Variants in PTPRZ1 observed in about 807,000 individuals in gnomAD.
PTPRZ1 encodes the protein protein tyrosine phosphatase receptor type Z1, also known as receptor-type tyrosine-protein phosphatase zeta.
PTPRZ1 carries 82 observed loss-of-function variants against 214.1 expected under a neutral mutation model. That is an observed-to-expected ratio of 0.38 (90% CI 0.32 to 0.46). PTPRZ1 has a LOEUF of 0.46. Ranked by LOEUF, PTPRZ1 falls within the 20% of genes least tolerant of loss-of-function variation. The probability of loss-of-function intolerance (pLI) is 1.00; values close to 1 mark genes in which losing one functional copy is unlikely to be tolerated. For synonymous variants in PTPRZ1, 945 were observed against 987.9 expected (o/e 0.96, Z 0.81); for missense variants, 2,603 against 2,748.7 (o/e 0.95, Z 1.19).
At chr7:121,893,983 G>A (rs959219297) in intron 1 of PTPRZ1, among the ~76,000 whole-genome samples, 4 of 152,130 alleles carry the variant, frequency 2.6e-5, no homozygotes, top group South Asian at 2.1e-4. Context: ...CAACCCGATC[G>A]TGTGCACAGG....
chr7:122,044,218 T>C (rs1452408659), intron 22 of PTPRZ1, among the ~76,000 whole-genome samples: 1 of 152,080 alleles, frequency 6.6e-6, no homozygotes, highest in African/African-American at 2.4e-5. Context: ...AATGAAGAGG[T>C]AAGGAATGAG....
chr7:121,972,161 A>ATT (rs5887063), intron 3 of PTPRZ1, among the ~76,000 whole-genome samples: 25 of 148,814 alleles, frequency 1.7e-4, no homozygotes, highest in Middle Eastern at 3.4e-3. Flanking sequence ...GAGAAGACTT[A>ATT]TTTTTTTTTT....
intron 13 of PTPRZ1, among the ~76,000 whole-genome samples, chr7:122,024,765 A>G (rs550312908): frequency 6.6e-6 from 1 of 152,288 alleles, no homozygotes; most frequent in Admixed American, 6.5e-5. Flanking sequence ...TACCCACACT[A>G]CTGTGAACAC....
Position 122,053,904 on chromosome 7 carries a change from T to G in PTPRZ1, c.6253-6T>G, listed in dbSNP as rs773935584. 2 of 1,612,462 alleles carry G rather than the reference T, an allele frequency of 1.2e-6. No homozygotes were observed. The highest frequency in any genetic ancestry group is 1.7e-6 in the Non-Finnish European group (2 of 1,178,966). On this transcript the variant is annotated splice_polypyrimidine_tract_variant and splice_region_variant and intron_variant, in intron 25 of 29. Coordinates refer to ENST00000393386, the MANE Select transcript of PTPRZ1 (RefSeq NM_002851.3). ...TGCTGTTTTTGTCTTCTCTTTGGTT[T>G]TGTAGGGCTATTACCAGAGCAATGA...
intron 11 of PTPRZ1, among the ~76,000 whole-genome samples, chr7:122,008,867 G>A (rs923156599): frequency 3.3e-5 from 5 of 151,990 alleles, no homozygotes; most frequent in Admixed American, 2.0e-4. Flanking sequence ...GAGATAATTG[G>A]CACCAACCAA....
intron 12 of PTPRZ1, among the ~76,000 whole-genome samples, chr7:122,018,856 C>A (rs1798926316): frequency 6.6e-6 from 1 of 152,044 alleles, no homozygotes; most frequent in Non-Finnish European, 1.5e-5. Flanking sequence ...CTTTTCAAGG[C>A]AATATTATGC....
chr7:122,053,987 A>T lies in PTPRZ1; in HGVS notation c.6330A>T (p.Ile2110=), dbSNP rs766049352. 6 of 1,613,240 alleles carry T rather than the reference A, an allele frequency of 3.7e-6. No individual in the cohort carries two copies. The African/African-American group carries it at 8.0e-5, about 22-fold the overall frequency. ...LHTIKDFWRM[I]WDHNAQLVVM... ...CCATCAAGGATTTCTGGAGGATGAT[A>T]TGGGACCATAATGCCCAACTGGTGG... The change falls in exon 26 of 30, where the codon ATA becomes ATT. Residue 2110 remains isoleucine (I), a synonymous_variant. Coordinates refer to ENST00000393386, the MANE Select transcript of PTPRZ1 (RefSeq NM_002851.3).
At chr7:122,005,841 A>G (rs1798469520) in intron 11 of PTPRZ1, among the ~76,000 whole-genome samples, 1 of 151,954 alleles carries the variant, frequency 6.6e-6, no homozygotes, top group South Asian at 2.1e-4. Context: ...CACATCACAG[A>G]CTTTTTAGAA....
intron 27 of PTPRZ1, among the ~76,000 whole-genome samples, chr7:122,055,567 A>G (rs1395252346): frequency 6.6e-6 from 1 of 151,898 alleles, no homozygotes; most frequent in Non-Finnish European, 1.5e-5. Context: ...TGATAAATGA[A>G]GTGCTTTGAA....
intron 1 of PTPRZ1, among the ~76,000 whole-genome samples, chr7:121,892,679 CATATATATATAT>C (rs58030102): frequency 0.03 from 2,958 of 98,104 alleles, 88 homozygotes; most frequent in African/African-American, 0.061. Flanking sequence ...TCAAGCATCT[CATATATATATAT>C]ATATATATAT....
At chr7:121,904,903 T>C (rs1301827911) in intron 1 of PTPRZ1, among the ~76,000 whole-genome samples, 1 of 152,216 alleles carries the variant, frequency 6.6e-6, no homozygotes, top group African/African-American at 2.4e-5. Flanking sequence ...ATCTACAATC[T>C]TTTAGCTTTT....
At chr7:122,027,288 TG>T (rs1223289246) in intron 13 of PTPRZ1, among the ~76,000 whole-genome samples, 1 of 152,018 alleles carries the variant, frequency 6.6e-6, no homozygotes, top group Non-Finnish European at 1.5e-5. Flanking sequence ...TGGATCCTGG[TG>T]GGTGAGGGAG....
Position 121,919,820 on chromosome 7 carries a change from AT to A in PTPRZ1, c.59-8329del, listed in dbSNP as rs542387333. On this transcript the variant is annotated intron_variant, in intron 1 of 29. Coordinates refer to ENST00000393386, the MANE Select transcript of PTPRZ1 (RefSeq NM_002851.3). ...TTTCTATTGATCTGTCTATCAATTC[AT>A]TTTTTTAGTAATTGATTAACCAAGC... Among the ~76,000 whole-genome samples, 345 of 151,048 alleles carry A rather than the reference AT, an allele frequency of 2.3e-3. 1 individual carries two copies. Among genetic ancestry groups the A allele is most frequent in the African/African-American group, 7.9e-3 (323 of 41,094 alleles).
Position 122,058,884 on chromosome 7 carries a change from A to T in PTPRZ1, c.6613A>T (p.Ile2205Leu), listed in dbSNP as rs577909822. 5 of 1,592,458 alleles carry T rather than the reference A, an allele frequency of 3.1e-6. No homozygotes were observed. The South Asian group carries it at 3.3e-5, about 11-fold the overall frequency. Residue 2205 changes from isoleucine to leucine, a missense_variant, in exon 28 of 30, where the codon ATA becomes TTA. Physicochemically the swap from Ile to Leu is conservative, Grantham distance 5. This residue lies in a region of PTPRZ1 where 165 missense variants were observed against 151.4 expected (regional missense o/e 1.09). Transcript: ENST00000393386. Reference sequence around the variant, plus strand: ...CCCCATTAGTAAAACTTTTGAACTTATAAGTGTTATAAAAGAAGAAGCTGC... The same window carrying T: ...CCCCATTAGTAAAACTTTTGAACTTTTAAGTGTTATAAAAGAAGAAGCTGC... ...DSPISKTFELISVIKEEAANR... is the reference protein window; with the variant it reads ...DSPISKTFELLSVIKEEAANR...
intron 23 of PTPRZ1, among the ~76,000 whole-genome samples, chr7:122,045,995 A>G (rs1007206490): frequency 6.6e-6 from 1 of 152,200 alleles, no homozygotes; most frequent in Non-Finnish European, 1.5e-5. Flanking sequence ...ATATCTGTGT[A>G]TTCAGCAAGT....
rs770023252 is a variant in PTPRZ1, at chr7:122,011,493, G to A, written c.2447G>A (p.Gly816Asp). The change falls in exon 12 of 30, where the codon GGT (glycine) becomes GAT (aspartate). Residue 816 changes from glycine (G) to aspartate (D), a missense_variant. This residue lies in a region of PTPRZ1 where 1,913 missense variants were observed against 1,914.3 expected (regional missense o/e 1.00). Coordinates refer to ENST00000393386, the MANE Select transcript of PTPRZ1 (RefSeq NM_002851.3). Reference protein sequence around the residue: ...SFESILSSYDGAPLLPFSSAS... With the variant: ...SFESILSSYDDAPLLPFSSAS... The stretch of plus-strand genomic sequence containing the variant: ...GAATCCATCCTGTCTTCCTATGATG[G>A]TGCACCTTTGCTTCCATTTTCCTCT... 2 of 1,613,904 alleles carry A rather than the reference G, an allele frequency of 1.2e-6. No individual in the cohort carries two copies.
At chr7:121,877,331 T>C (rs140194647) in intron 1 of PTPRZ1, among the ~76,000 whole-genome samples, 3 of 152,352 alleles carry the variant, frequency 2.0e-5, no homozygotes, top group African/African-American at 7.2e-5. Flanking sequence ...AGGATCAATT[T>C]GCTGTTTGGC....
chr7:121,946,533 T>A (rs1796380169), intron 2 of PTPRZ1, among the ~76,000 whole-genome samples: 1 of 152,156 alleles, frequency 6.6e-6, no homozygotes, highest in African/African-American at 2.4e-5. Flanking sequence ...CAATAAACAG[T>A]GGTAGTAATA....
chr7:121,921,300 G>A (rs1162886040), intron 1 of PTPRZ1, among the ~76,000 whole-genome samples: 1 of 152,040 alleles, frequency 6.6e-6, no homozygotes, highest in Middle Eastern at 3.2e-3. Context: ...TACCAACATA[G>A]AAATTCTCTC....
Sources: gnomAD v4.1 joint callset for allele counts (sites outside exome capture counted in the v4.1 genomes callset) on GRCh38, gnomAD v4.1.1 for gene constraint, gnomAD v4.1.1 regional missense constraint, MANE v1.5 for transcripts, NCBI Gene and HGNC (gene_info 2026-07-23, HGNC 2026-07-21) for gene names.